GALNT10: variants seen among roughly 807,000 people sequenced by gnomAD.
GALNT10 encodes the protein polypeptide N-acetylgalactosaminyltransferase 10, also known as GalNAc transferase 10.
In GALNT10, 41 loss-of-function variants were observed where a neutral mutation model predicts 75.0. The ratio of observed to expected loss-of-function variants is 0.55; its 90% CI spans 0.43 to 0.71. GALNT10 has a LOEUF of 0.71. Ranked by LOEUF, GALNT10 falls within the 30% of genes least tolerant of loss-of-function variation. The pLI is 0.00. For synonymous variants in GALNT10, 302 were observed against 313.0 expected, an observed-to-expected ratio of 0.96 and a Z score of 0.37; for missense variants, 727 against 818.5, an observed-to-expected ratio of 0.89 and a Z score of 1.36.
Position 154,417,083 on chromosome 5 carries a change from A to G in GALNT10, c.*111A>G. On this transcript the variant is annotated 3_prime_UTR_variant, in exon 12 of 12. Coordinates refer to ENST00000297107, the MANE Select transcript of GALNT10 (RefSeq NM_198321.4). The stretch of plus-strand genomic sequence containing the variant: ...ACTAGGTGTAAAAGGTGCTGGCCAA[A>G]TGGTTCAGGGTGAAGAGGGCTCTTG... 1 of 954,244 alleles carries G rather than the reference A, an allele frequency of 1.0e-6. No homozygotes were observed. The highest frequency in any genetic ancestry group is 1.6e-6 in the Non-Finnish European group (1 of 617,872). 59.1% of individuals were successfully genotyped at this position (954,244 alleles called of 1,614,324 possible).
At chr5:154,394,319 A>T (rs1582009104) in intron 7 of GALNT10, among the ~76,000 whole-genome samples, 1 of 11,540 alleles carries the variant, frequency 8.7e-5, no homozygotes, top group Non-Finnish European at 1.4e-4. Flanking sequence ...GAACAGACTT[A>T]AAAAAAAAAA....
At chr5:154,346,160 G>C (rs530606530) in intron 4 of GALNT10, among the ~76,000 whole-genome samples, 20 of 151,468 alleles carry the variant, frequency 1.3e-4, no homozygotes, top group African/African-American at 4.8e-4. Flanking sequence ...GTGTGTGTGT[G>C]TGAGATAGAT....
intron 4 of GALNT10, among the ~76,000 whole-genome samples, chr5:154,369,897 G>A (rs1005404464): frequency 6.6e-6 from 1 of 152,154 alleles, no homozygotes; most frequent in Admixed American, 6.5e-5. Context: ...TGCTCCATGG[G>A]GTGCTCTCCC....
At chr5:154,219,259 A>G (rs1391248450) in intron 1 of GALNT10, among the ~76,000 whole-genome samples, 1 of 152,096 alleles carries the variant, frequency 6.6e-6, no homozygotes, top group African/African-American at 2.4e-5. Context: ...GTGTCTACTG[A>G]GACATCATCT....
chr5:154,231,859 G>A (rs978398065), intron 1 of GALNT10, among the ~76,000 whole-genome samples: 18 of 152,268 alleles, frequency 1.2e-4, no homozygotes, highest in African/African-American at 4.3e-4. Flanking sequence ...GTCTTTGTTG[G>A]TAATCCAGAA....
chr5:154,353,504 C>T (rs1237904761), intron 4 of GALNT10, among the ~76,000 whole-genome samples: 3 of 152,170 alleles, frequency 2.0e-5, no homozygotes, highest in African/African-American at 7.2e-5. Flanking sequence ...GAATGAGCAA[C>T]GTCCCTCAGG....
At chr5:154,218,052 G>A in intron 1 of GALNT10, 1 of 984,792 alleles carries the variant, frequency 1.0e-6, no homozygotes, top group Non-Finnish European at 1.2e-6. Flanking sequence ...CCCAGCCTGG[G>A]CACTGCTGTT....
chr5:154,257,196 A>T (rs544096679), intron 1 of GALNT10, among the ~76,000 whole-genome samples: 3 of 152,200 alleles, frequency 2.0e-5, no homozygotes, highest in Non-Finnish European at 4.4e-5. Flanking sequence ...GCAAAGTCCA[A>T]CTGAGACTCA....
chr5:154,364,404 A>AAGT (rs1334875641), intron 4 of GALNT10, among the ~76,000 whole-genome samples: 1 of 152,198 alleles, frequency 6.6e-6, no homozygotes, highest in Admixed American at 6.5e-5. Context: ...AGTCTCTGGT[A>AAGT]GGGGACATTT....
At chr5:154,299,738 G>C (rs1419380568) in intron 3 of GALNT10, among the ~76,000 whole-genome samples, 1 of 152,110 alleles carries the variant, frequency 6.6e-6, no homozygotes, top group African/African-American at 2.4e-5. Context: ...TTTTCCCAAA[G>C]ATGCCTGACA....
intron 1 of GALNT10, among the ~76,000 whole-genome samples, chr5:154,223,180 C>T (rs1753009339): frequency 6.6e-6 from 1 of 152,060 alleles, no homozygotes; most frequent in African/African-American, 2.4e-5. Context: ...TCTCAGGATG[C>T]CCTCATCTGT....
At chr5:154,344,632 G>A (rs940391184) in intron 4 of GALNT10, among the ~76,000 whole-genome samples, 6 of 151,904 alleles carry the variant, frequency 3.9e-5, no homozygotes, top group Admixed American at 3.3e-4. Context: ...ATCTCTTGGC[G>A]AGCCCTCCAC....
Position 154,251,098 on chromosome 5 carries a change from G to C in GALNT10, c.160-43718G>C, listed in dbSNP as rs373017088. On this transcript the variant is annotated intron_variant, in intron 1 of 11. Coordinates refer to ENST00000297107, the MANE Select transcript of GALNT10 (RefSeq NM_198321.4). ...CAGAAAGCTAAACAAAACTGTGAACGTAATGAATTGTTATAAGGTGAACCC... is the reference window on the plus strand; with the variant it reads ...CAGAAAGCTAAACAAAACTGTGAACCTAATGAATTGTTATAAGGTGAACCC... Among the ~76,000 whole-genome samples the C allele has an allele frequency of 6.6e-5, 10 of 152,112 alleles. No individual in the cohort carries two copies. In the East Asian group the frequency reaches 1.3e-3, roughly 20 times the overall value.
chr5:154,254,515 T>C (rs1166559472), intron 1 of GALNT10, among the ~76,000 whole-genome samples: 2 of 151,834 alleles, frequency 1.3e-5, no homozygotes, highest in East Asian at 3.9e-4. Context: ...CTTTTCTTTT[T>C]TTTTTTTTTC....
intron 1 of GALNT10, chr5:154,287,595 A>T (rs566032705): frequency 8.5e-5 from 13 of 152,226 alleles, no homozygotes; most frequent in African/African-American, 2.9e-4. Context: ...ATAGGCTTGT[A>T]TGTGTGTATG....
intron 4 of GALNT10, among the ~76,000 whole-genome samples, chr5:154,375,321 T>C (rs1454157232): frequency 6.6e-6 from 1 of 152,232 alleles, no homozygotes; most frequent in Non-Finnish European, 1.5e-5. Context: ...TGATGTATGC[T>C]GTAGGTTTCT....
chr5:154,276,851 G>A (rs1753960866), intron 1 of GALNT10, among the ~76,000 whole-genome samples: 2 of 152,146 alleles, frequency 1.3e-5, no homozygotes, highest in East Asian at 1.9e-4. Context: ...TCTTGAAGAT[G>A]TGGTGTTTGA....
intron 1 of GALNT10, among the ~76,000 whole-genome samples, chr5:154,240,390 A>G (rs1275110366): frequency 1.3e-5 from 2 of 152,230 alleles, no homozygotes; most frequent in Non-Finnish European, 2.9e-5. Flanking sequence ...CCAATACACA[A>G]TAGCACTGAC....
chr5:154,319,198 G>A (rs946904962), intron 3 of GALNT10, among the ~76,000 whole-genome samples: 16 of 152,170 alleles, frequency 1.1e-4, no homozygotes, highest in Non-Finnish European at 2.2e-4. Context: ...TGCCATCTAG[G>A]GTGAGGGAAA....
Sources: gnomAD v4.1 joint callset for allele counts (sites outside exome capture counted in the v4.1 genomes callset) on GRCh38, gnomAD v4.1.1 for gene constraint, MANE v1.5 for transcripts, NCBI Gene and HGNC (gene_info 2026-07-23, HGNC 2026-07-21) for gene names.